SCFD2: variants seen among roughly 807,000 people sequenced by gnomAD.
SCFD2 encodes the protein sec1 family domain containing 2.
Under a neutral mutation model 58.9 loss-of-function variants are expected in SCFD2, and 54 were observed. The ratio of observed to expected loss-of-function variants is 0.92; its 90% CI spans 0.74 to 1.15. The LOEUF is 1.15. Ranked by LOEUF, SCFD2 falls within the 50% of genes most tolerant of loss-of-function variation. The pLI is 0.00. For missense variants in SCFD2, 805 were observed against 836.6 expected, an observed-to-expected ratio of 0.96 and a Z score of 0.47; for synonymous variants, 321 against 335.9, an observed-to-expected ratio of 0.96 and a Z score of 0.49.
At chr4:53,223,665 T>A (rs1729115105) in intron 4 of SCFD2, among the ~76,000 whole-genome samples, 1 of 152,240 alleles carries the variant, frequency 6.6e-6, no homozygotes, top group Non-Finnish European at 1.5e-5. Context: ...CTTGCCTAGA[T>A]GCAATTATGA....
chr4:53,247,747 G>C lies in SCFD2; in HGVS notation c.1311+26079C>G, dbSNP rs1379019913. ...GCGGTGGCGGGCGCCTGTAGTCCCA[G>C]CTACTCGGGAGGCTGAGGCAGGAGA... On this transcript the variant is annotated intron_variant, in intron 4 of 8. Transcript: ENST00000401642. 3.4e-5 allele frequency among the ~76,000 whole-genome samples: 5 copies of C among 148,122 alleles called. No homozygotes were observed. In the East Asian group the frequency reaches 7.9e-4, roughly 23 times the overall value.
chr4:53,030,404 A>G (rs1344481766), intron 5 of SCFD2, among the ~76,000 whole-genome samples: 1 of 152,120 alleles, frequency 6.6e-6, no homozygotes, highest in Non-Finnish European at 1.5e-5. Context: ...AAAATGGTAC[A>G]GACACTTTGG....
chr4:53,353,967 A>G (rs896166785), intron 1 of SCFD2, among the ~76,000 whole-genome samples: 1 of 152,256 alleles, frequency 6.6e-6, no homozygotes, highest in African/African-American at 2.4e-5. Flanking sequence ...TCCTCTAGCT[A>G]GACATAAAAG....
intron 3 of SCFD2, among the ~76,000 whole-genome samples, chr4:53,299,005 C>T (rs1732161441): frequency 6.6e-6 from 1 of 152,072 alleles, no homozygotes. Context: ...AAAAACAGAG[C>T]AGAAAAAACA....
intron 4 of SCFD2, among the ~76,000 whole-genome samples, chr4:53,258,987 AT>A (rs1730744854): frequency 1.3e-5 from 2 of 151,976 alleles, no homozygotes; most frequent in Non-Finnish European, 2.9e-5. Flanking sequence ...GATGTTGAGC[AT>A]TTTTCCATAT....
rs369166301 is a variant in SCFD2, at chr4:53,313,693, G to A, written c.1078C>T (p.Arg360Trp). ...CTTGCCGCTTCCACTAGATGTCTCC[G>A]AACTTCCATCACTGCCTCTTTGTGC... is the stretch of plus-strand genomic sequence containing the variant. ...TKHKEAVMEV[R>W]RHLVEAASRE... The change falls in exon 3 of 9, where the codon CGG (arginine) becomes TGG (tryptophan). Residue 360 changes from arginine to tryptophan, a missense_variant. By Grantham distance (101) the Arg-to-Trp change is moderately radical (BLOSUM62 -3). This residue lies in a region of SCFD2 where 633 missense variants were observed against 646.8 expected (regional missense o/e 0.98). Transcript: ENST00000401642. 9.3e-6 allele frequency: 15 copies of A among 1,613,984 alleles called. No homozygotes were observed. The highest frequency in any genetic ancestry group is 6.7e-5 in the African/African-American group (5 of 75,020).
intron 5 of SCFD2, among the ~76,000 whole-genome samples, chr4:52,964,345 T>C (rs1719270098): frequency 6.6e-6 from 1 of 152,158 alleles, no homozygotes; most frequent in South Asian, 2.1e-4. Context: ...ATATCACAGG[T>C]TGAATCCAAT....
intron 4 of SCFD2, among the ~76,000 whole-genome samples, chr4:53,266,370 A>C (rs1730983773): frequency 6.6e-6 from 1 of 152,206 alleles, no homozygotes; most frequent in Admixed American, 6.5e-5. Flanking sequence ...GTCTCACTCA[A>C]TCCTGACAAT....
At chr4:53,132,205 G>T (rs1725803942) in intron 5 of SCFD2, among the ~76,000 whole-genome samples, 1 of 152,188 alleles carries the variant, frequency 6.6e-6, no homozygotes, top group South Asian at 2.1e-4. Flanking sequence ...TTTTAAATAT[G>T]TATTAAACAT....
At chr4:53,109,816 TG>T (rs1458563979) in intron 5 of SCFD2, among the ~76,000 whole-genome samples, 1 of 152,112 alleles carries the variant, frequency 6.6e-6, no homozygotes, top group Non-Finnish European at 1.5e-5. Flanking sequence ...ATAGCTTCAA[TG>T]CTATAAATCA....
intron 7 of SCFD2, among the ~76,000 whole-genome samples, chr4:52,901,007 G>C: frequency 6.6e-6 from 1 of 152,192 alleles, no homozygotes; most frequent in African/African-American, 2.4e-5. Context: ...CAGTATTAGG[G>C]TGGGAGTGAC....
chr4:53,204,296 G>GA (rs1207156686), intron 4 of SCFD2, among the ~76,000 whole-genome samples: 1 of 151,648 alleles, frequency 6.6e-6, no homozygotes, highest in Non-Finnish European at 1.5e-5. Context: ...AAGCAATTTG[G>GA]AAAATCCATG....
chr4:53,113,603 A>G (rs1406676596), intron 5 of SCFD2, among the ~76,000 whole-genome samples: 1 of 152,112 alleles, frequency 6.6e-6, no homozygotes, highest in Non-Finnish European at 1.5e-5. Context: ...CCTCTGTGAC[A>G]GTTTTCACAA....
intron 2 of SCFD2, among the ~76,000 whole-genome samples, chr4:53,341,812 T>A (rs1018332465): frequency 1.6e-4 from 25 of 152,106 alleles, no homozygotes; most frequent in African/African-American, 5.1e-4. Flanking sequence ...TCAACATGCT[T>A]AAAGAAAAGA....
chr4:53,352,245 A>T (rs553405019), intron 2 of SCFD2, among the ~76,000 whole-genome samples: 2 of 152,332 alleles, frequency 1.3e-5, no homozygotes, highest in African/African-American at 4.8e-5. Context: ...CTTTTTAGTG[A>T]TGTGAAAAAG....
chr4:52,941,277 T>C (rs1172232305), intron 5 of SCFD2, among the ~76,000 whole-genome samples: 2 of 152,222 alleles, frequency 1.3e-5, no homozygotes, highest in African/African-American at 2.4e-5. Flanking sequence ...TCTTATATTC[T>C]AGCTGAGGAG....
chr4:53,001,287 A>G (rs1199191130), intron 5 of SCFD2, among the ~76,000 whole-genome samples: 6 of 152,232 alleles, frequency 3.9e-5, no homozygotes, highest in Non-Finnish European at 7.3e-5. Flanking sequence ...CTACCAGGAC[A>G]GTCAGGAGAG....
intron 3 of SCFD2, among the ~76,000 whole-genome samples, chr4:53,281,183 CA>C (rs1440571918): frequency 6.6e-6 from 1 of 152,216 alleles, no homozygotes; most frequent in East Asian, 1.9e-4. Context: ...CTTTTGCTCA[CA>C]AAAAGTTCTA....
chr4:53,055,408 A>G (rs1358868723), intron 5 of SCFD2, among the ~76,000 whole-genome samples: 1 of 152,164 alleles, frequency 6.6e-6, no homozygotes, highest in Non-Finnish European at 1.5e-5. Flanking sequence ...GTTCACTTAT[A>G]GCATTTAAAC....
Sources: allele counts gnomAD v4.1 joint callset (sites outside exome capture counted in the v4.1 genomes callset), GRCh38; gene constraint gnomAD v4.1.1; regional missense constraint gnomAD v4.1.1; transcripts MANE v1.5; gene names NCBI Gene and HGNC (gene_info 2026-07-23, HGNC 2026-07-21).